Variants in FER observed in about 807,000 individuals in gnomAD.
FER encodes the protein tyrosine-protein kinase Fer.
In FER, 63 loss-of-function variants were observed where a neutral mutation model predicts 111.0. The observed-to-expected ratio is 0.57, with a 90% CI of 0.46 to 0.70. The LOEUF is 0.70. Among genes scored for constraint, FER ranks in the 30% least tolerant of loss-of-function variants. FER has a pLI of 0.00. For missense variants in FER, 914 were observed against 954.0 expected (o/e 0.96, Z 0.55); for synonymous variants, 327 against 313.9 (o/e 1.04, Z -0.44).
chr5:108,879,568 A>G (rs190498070), intron 8 of FER, among the ~76,000 whole-genome samples: 49 of 151,770 alleles, frequency 3.2e-4, no homozygotes, highest in African/African-American at 1.1e-3. Context: ...TCATCTATAC[A>G]TGAACTGTAA....
At chr5:108,923,079 A>G (rs1753248340) in intron 10 of FER, among the ~76,000 whole-genome samples, 2 of 152,130 alleles carry the variant, frequency 1.3e-5, no homozygotes, top group Non-Finnish European at 2.9e-5. Context: ...AACAGAAACT[A>G]TTTCATAGGG....
At position 108,817,103 on chromosome 5, in the gene FER, C is replaced by CAAAAAAAAAAAAAAAAAAAA. The variant is rs70999913; in HGVS notation, c.208-15652_208-15633dup. ...TGGGCAACAGAGCAAGACACTGTCT[C>CAAAAAAAAAAAAAAAAAAAA]AAAAAAAAAAAAAAAAAAAAAAAAA... On this transcript the variant is annotated intron_variant, in intron 3 of 19. Transcript: ENST00000281092. Among the ~76,000 whole-genome samples, 3 of 59,204 alleles carry CAAAAAAAAAAAAAAAAAAAA rather than the reference C, an allele frequency of 5.1e-5. 1 individual carries two copies. The highest frequency in any genetic ancestry group is 9.0e-5 in the Non-Finnish European group (3 of 33,490). 38.8% of individuals were successfully genotyped at this position (59,204 alleles called of 152,430 possible).
At chr5:108,793,440 A>G (rs1488092761) in intron 2 of FER, among the ~76,000 whole-genome samples, 1 of 148,714 alleles carries the variant, frequency 6.7e-6, no homozygotes, top group Non-Finnish European at 1.5e-5. Context: ...AATATTGGCT[A>G]TTGTAAACAA....
Position 109,119,606 on chromosome 5 carries a change from G to C in FER, c.2048+19087G>C, listed in dbSNP as rs189255293. Reference sequence around the variant, plus strand: ...GTTGATCTGTCTGATGTTGACAGTGGGGTGTTAAAGTCTCCTATTATTATT... The same window carrying C: ...GTTGATCTGTCTGATGTTGACAGTGCGGTGTTAAAGTCTCCTATTATTATT... On this transcript the variant is annotated intron_variant, in intron 17 of 19. Coordinates refer to ENST00000281092, the MANE Select transcript of FER (RefSeq NM_005246.4). 1.2e-3 allele frequency among the ~76,000 whole-genome samples: 179 copies of C among 152,158 alleles called. 2 individuals are homozygous for C. The highest frequency in any genetic ancestry group is 4.0e-3 in the African/African-American group (166 of 41,506).
chr5:109,069,074 G>A (rs1401235005), intron 16 of FER, among the ~76,000 whole-genome samples: 9 of 151,916 alleles, frequency 5.9e-5, no homozygotes, highest in Admixed American at 5.9e-4. Flanking sequence ...TTTAATTTCA[G>A]AGAAAGAATG....
intron 13 of FER, among the ~76,000 whole-genome samples, chr5:108,999,180 C>T (rs72790518): frequency 0.19 from 28,152 of 151,936 alleles, 2,814 homozygotes; most frequent in Non-Finnish European, 0.22. Context: ...CTGATTTCTC[C>T]TTCCTTGAAT....
intron 5 of FER, among the ~76,000 whole-genome samples, chr5:108,861,704 A>G (rs564227948): frequency 3.7e-4 from 57 of 152,350 alleles, no homozygotes; most frequent in African/African-American, 1.2e-3. Flanking sequence ...TTAAGAAAGT[A>G]TATTAGTGAT....
intron 10 of FER, among the ~76,000 whole-genome samples, chr5:108,933,405 G>A (rs1462442112): frequency 6.6e-6 from 1 of 152,098 alleles, no homozygotes; most frequent in Non-Finnish European, 1.5e-5. Flanking sequence ...GATGGTTATA[G>A]ATGTGTGGTG....
At chr5:108,910,135 A>C (rs1000240719) in intron 10 of FER, among the ~76,000 whole-genome samples, 3 of 152,166 alleles carry the variant, frequency 2.0e-5, no homozygotes, top group African/African-American at 7.2e-5. Context: ...AAAGATTATG[A>C]ATAAGATATT....
At chr5:109,167,804 T>A (rs1756708899) in intron 17 of FER, among the ~76,000 whole-genome samples, 1 of 152,168 alleles carries the variant, frequency 6.6e-6, no homozygotes, top group South Asian at 2.1e-4. Context: ...ACTTGTGGAC[T>A]AGGATTGTTG....
At chr5:108,815,538 G>A (rs1381968213) in intron 3 of FER, among the ~76,000 whole-genome samples, 1 of 152,046 alleles carries the variant, frequency 6.6e-6, no homozygotes, top group East Asian at 1.9e-4. Context: ...CTATTGTATT[G>A]TTAGGACCTG....
intron 5 of FER, among the ~76,000 whole-genome samples, chr5:108,866,315 C>T (rs1315209589): frequency 6.6e-6 from 1 of 152,118 alleles, no homozygotes; most frequent in African/African-American, 2.4e-5. Flanking sequence ...AACCATCATT[C>T]TCAGCAGACT....
chr5:108,844,996 GTATATATA>G (rs1178206742), intron 5 of FER, among the ~76,000 whole-genome samples: 385 of 29,138 alleles, frequency 0.013, 3 homozygotes, highest in African/African-American at 0.031. Context: ...GTGTGTGTGT[GTATATATA>G]TATATATATA....
Position 109,082,545 on chromosome 5 carries a change from C to T in FER, c.1925-17851C>T, listed in dbSNP as rs369226662. Among the ~76,000 whole-genome samples the T allele has an allele frequency of 1.9e-3, 284 of 152,084 alleles. 2 individuals are homozygous for T. Among genetic ancestry groups the T allele is most frequent in the Non-Finnish European group, 2.7e-3 (185 of 67,944 alleles). ...TTAAGAGAGCTCAATGAGATAATGC[C>T]TATGACAGCACGTGTAAACTATTAA... is the stretch of plus-strand genomic sequence containing the variant. On this transcript the variant is annotated intron_variant, in intron 16 of 19. Coordinates refer to ENST00000281092, the MANE Select transcript of FER (RefSeq NM_005246.4).
At chr5:108,796,793 A>G (rs1346482653) in intron 2 of FER, among the ~76,000 whole-genome samples, 4 of 152,058 alleles carry the variant, frequency 2.6e-5, no homozygotes, top group African/African-American at 9.7e-5. Context: ...TGGCCAGAGC[A>G]GGTCTAGAAG....
chr5:109,172,189 G>T (rs1483349773), intron 17 of FER, among the ~76,000 whole-genome samples: 1 of 151,918 alleles, frequency 6.6e-6, no homozygotes, highest in Non-Finnish European at 1.5e-5. Context: ...GCACACGTAT[G>T]CTTATTGCGG....
intron 16 of FER, among the ~76,000 whole-genome samples, chr5:109,099,941 A>G (rs1452582678): frequency 6.6e-6 from 1 of 151,682 alleles, no homozygotes; most frequent in Non-Finnish European, 1.5e-5. Context: ...TTTTTAAGCA[A>G]TCACTGAATC....
chr5:109,184,206 T>G (rs928349123), intron 18 of FER, among the ~76,000 whole-genome samples: 3 of 152,168 alleles, frequency 2.0e-5, no homozygotes, highest in Non-Finnish European at 4.4e-5. Context: ...GGCTGATATA[T>G]CCTCTAATTA....
chr5:108,836,668 A>C (rs907169872), intron 5 of FER, among the ~76,000 whole-genome samples: 4 of 152,136 alleles, frequency 2.6e-5, no homozygotes, highest in Non-Finnish European at 4.4e-5. Context: ...ATTTTGTCAT[A>C]GTAAATGAAG....
Sources: allele counts gnomAD v4.1 joint callset (sites outside exome capture counted in the v4.1 genomes callset), GRCh38; gene constraint gnomAD v4.1.1; transcripts MANE v1.5; gene names NCBI Gene and HGNC (gene_info 2026-07-23, HGNC 2026-07-21).